Variants in OVCH1 observed in about 807,000 individuals in gnomAD.
OVCH1 encodes the protein ovochymase 1.
OVCH1 carries 139 observed loss-of-function variants against 138.4 expected under a neutral mutation model. That is an observed-to-expected ratio of 1.00 (90% CI 0.87 to 1.16). The LOEUF (loss-of-function observed/expected upper bound fraction) is 1.16. OVCH1 is among the 50% of genes most tolerant of loss of function. OVCH1 has a pLI of 0.00. For missense variants in OVCH1, 1,367 were observed against 1,357.9 expected (o/e 1.01, Z -0.11); for synonymous variants, 453 against 467.8 (o/e 0.97, Z 0.41).
the OVCH1 span, among the ~76,000 whole-genome samples, chr12:29,404,914 C>G: frequency 6.7e-6 from 1 of 150,100 alleles, no homozygotes; most frequent in Non-Finnish European, 1.5e-5. Flanking sequence ...TCCAGCTACT[C>G]GGGACGCTGA....
At chr12:29,462,731 A>G (rs1181719144) in intron 18 of OVCH1, among the ~76,000 whole-genome samples, 4 of 152,150 alleles carry the variant, frequency 2.6e-5, no homozygotes, top group Non-Finnish European at 4.4e-5. Flanking sequence ...ATAATACAAC[A>G]ACATTTTTCA....
intron 1 of OVCH1, 76 bp downstream of exon 1, chr12:29,497,547 A>G: frequency 3.2e-6 from 5 of 1,556,030 alleles, no homozygotes; most frequent in East Asian, 2.3e-5. Context: ...TTCCTGAGGC[A>G]AGGAGTAATG....
intron 18 of OVCH1, among the ~76,000 whole-genome samples, chr12:29,462,601 A>G (rs1942176067): frequency 6.6e-6 from 1 of 152,076 alleles, no homozygotes; most frequent in South Asian, 2.1e-4. Flanking sequence ...TTTTAGATTT[A>G]TGACCAATTT....
chr12:29,428,012 C>T (rs1941207114), intron 27 of OVCH1, among the ~76,000 whole-genome samples: 1 of 152,150 alleles, frequency 6.6e-6, no homozygotes, highest in Non-Finnish European at 1.5e-5. Flanking sequence ...AAAGCAGTCC[C>T]TGACATACAG....
At chr12:29,436,694 C>T (rs1941367103) in intron 26 of OVCH1, among the ~76,000 whole-genome samples, 1 of 146,448 alleles carries the variant, frequency 6.8e-6, no homozygotes, top group African/African-American at 2.8e-5. Context: ...AGGAGTGAAG[C>T]CGCAGACCTT....
chr12:29,428,417 G>A (rs750397689), intron 27 of OVCH1, among the ~76,000 whole-genome samples: 4 of 152,144 alleles, frequency 2.6e-5, no homozygotes, highest in Non-Finnish European at 4.4e-5. Flanking sequence ...TCCATGGTGT[G>A]TATACTCCCT....
chr12:29,436,263 A>T (rs114281246), intron 26 of OVCH1, among the ~76,000 whole-genome samples: 4,128 of 145,320 alleles, frequency 0.028, 176 homozygotes, highest in African/African-American at 0.095. Context: ...TTTTAATAAT[A>T]TAAGTATAGC....
chr12:29,475,692 A>T (rs933482600), intron 13 of OVCH1, among the ~76,000 whole-genome samples: 2 of 152,176 alleles, frequency 1.3e-5, no homozygotes, highest in African/African-American at 4.8e-5. Flanking sequence ...CCACAAAAAC[A>T]TCCAGCTGAG....
In OVCH1 at chr12:29,495,551, T is replaced by G. The variant is rs559701693; in HGVS notation, c.282-94A>C. 12 of 1,105,432 alleles carry G rather than the reference T, an allele frequency of 1.1e-5. No individual in the cohort carries two copies. In the South Asian group the frequency reaches 1.4e-4, roughly 12 times the overall value. 68.5% of individuals were successfully genotyped at this position (1,105,432 alleles called of 1,614,324 possible). ...TTAAATGAAAAGTGATTAATGTATC[T>G]TTAAGCATCCCTGAGTCTTTGAAGA... On this transcript the variant is annotated intron_variant, in intron 3 of 27. Coordinates refer to ENST00000318184, the Ensembl canonical transcript of OVCH1.
At chr12:29,410,388 C>T (rs1433190933), downstream of OVCH1, among the ~76,000 whole-genome samples, 1 of 151,282 alleles carries the variant, frequency 6.6e-6, no homozygotes, top group Non-Finnish European at 1.5e-5. Flanking sequence ...TTAGTTGATG[C>T]AGTTTCTTCC....
chr12:29,461,963 A>G, exon 19 of OVCH1: 1 of 1,613,834 alleles, frequency 6.2e-7, no homozygotes, highest in East Asian at 2.2e-5. Flanking sequence ...CTCTCTTTCT[A>G]ACACATGCAC....
chr12:29,411,111 T>C (rs1940949306), downstream of OVCH1, among the ~76,000 whole-genome samples: 1 of 107,412 alleles, frequency 9.3e-6, no homozygotes, highest in African/African-American at 2.7e-5. Flanking sequence ...CTCCTGAGGC[T>C]TCTGCATTCT....
chr12:29,410,594 T>C (rs371634992), downstream of OVCH1, among the ~76,000 whole-genome samples: 3 of 49,476 alleles, frequency 6.1e-5, no homozygotes, highest in African/African-American at 1.1e-4. Context: ...GATATGAAAT[T>C]TCTGGGTTGA....
chr12:29,486,466 A>G, intron 7 of OVCH1, 118 bp from the exon 8 acceptor site: 1 of 789,210 alleles, frequency 1.3e-6, no homozygotes, highest in Non-Finnish European at 2.0e-6. Context: ...AAATCAATGC[A>G]GAGGGAATCT....
downstream of OVCH1, chr12:29,427,498 G>C (rs976323794): frequency 9.1e-6 from 14 of 1,537,482 alleles, no homozygotes; most frequent in Admixed American, 4.0e-5. Context: ...TTGAGGACGT[G>C]AAACTTGAGA....
downstream of OVCH1, among the ~76,000 whole-genome samples, chr12:29,409,877 C>T (rs542749787): frequency 3.3e-5 from 5 of 152,088 alleles, no homozygotes; most frequent in Admixed American, 2.0e-4. Context: ...AACTTTCTGT[C>T]TCATCGATCT....
At chr12:29,489,473 CT>C (rs760048989) in intron 6 of OVCH1, 146 bp downstream of exon 6, 5 of 956,224 alleles carry the variant, frequency 5.2e-6, no homozygotes, top group Non-Finnish European at 7.4e-6. Flanking sequence ...GTCAAGTACA[CT>C]TTTTCAGTAG....
chr12:29,430,079 G>A (rs1405565175), intron 27 of OVCH1, among the ~76,000 whole-genome samples: 1 of 152,056 alleles, frequency 6.6e-6, no homozygotes, highest in African/African-American at 2.4e-5. Context: ...ATCTTATTTA[G>A]GTTTCACAAT....
chr12:29,421,833 A>T (rs963948330), intron 3 of OVCH1, among the ~76,000 whole-genome samples: 3 of 152,168 alleles, frequency 2.0e-5, no homozygotes, highest in Non-Finnish European at 4.4e-5. Context: ...GTGCTTATTT[A>T]TATAATTATT....
Sources: gnomAD v4.1 joint callset for allele counts (sites outside exome capture counted in the v4.1 genomes callset) on GRCh38, gnomAD v4.1.1 for gene constraint, MANE v1.5 for transcripts, NCBI Gene and HGNC (gene_info 2026-07-23, HGNC 2026-07-21) for gene names.